Variants in BMPR1A observed in about 807,000 individuals in gnomAD.
BMPR1A encodes bone morphogenetic protein receptor type 1A.
In BMPR1A, 7 loss-of-function variants were observed where a neutral mutation model predicts 66.0. The ratio of observed to expected loss-of-function variants is 0.11; its 90% confidence interval spans 0.06 to 0.20. The LOEUF (loss-of-function observed/expected upper bound fraction) is 0.20, where lower values mean the gene tolerates loss of function less well. Among genes scored for constraint, BMPR1A ranks in the 10% least tolerant of loss-of-function variants. The pLI is 1.00. For missense variants in BMPR1A, 408 were observed against 669.1 expected, an observed-to-expected ratio of 0.61 and a Z score of 4.31; for synonymous variants, 200 against 229.7, an observed-to-expected ratio of 0.87 and a Z score of 1.17.
rs150991310 is a variant in BMPR1A at position 86,824,105 on chromosome 10, G to GTGTGTGTGTGTGTGTGTGTT, written c.-267-14753_-267-14752insGTGTGTGTGTGTTTGTGTGT. ...GTTGTGTGTGTGTGTGTGTGTGTGT[G>GTGTGTGTGTGTGTGTGTGTT]TGTGTGTTTCTTTCAGTCTCACTTG... On this transcript the variant is annotated intron_variant, in intron 1 of 12. Coordinates refer to ENST00000372037, the MANE Select transcript of BMPR1A (RefSeq NM_004329.3). Among the ~76,000 whole-genome samples, 521 of 147,370 alleles carry GTGTGTGTGTGTGTGTGTGTT rather than the reference G, an allele frequency of 3.5e-3. 5 individuals are homozygous for GTGTGTGTGTGTGTGTGTGTT. Among genetic ancestry groups the GTGTGTGTGTGTGTGTGTGTT allele is most frequent in the South Asian group, 0.017 (78 of 4,554 alleles).
chr10:86,893,075 C>G (rs1843175537), intron 5 of BMPR1A, among the ~76,000 whole-genome samples: 1 of 151,816 alleles, frequency 6.6e-6, no homozygotes, highest in Non-Finnish European at 1.5e-5. Context: ...TTTAAATCAT[C>G]CTAGGTTGTC....
intron 7 of BMPR1A, among the ~76,000 whole-genome samples, chr10:86,907,468 A>G (rs577622051): frequency 2.6e-5 from 4 of 152,338 alleles, no homozygotes. Flanking sequence ...TGATCTTGCA[A>G]TCCCACTATT....
At chr10:86,764,204 T>A (rs905135108) in intron 1 of BMPR1A, among the ~76,000 whole-genome samples, 3 of 152,132 alleles carry the variant, frequency 2.0e-5, no homozygotes, top group African/African-American at 7.3e-5. Context: ...TTGAGTGTTT[T>A]AAATTTGTAT....
At position 86,866,399 on chromosome 10, in the gene BMPR1A, C is replaced by CTTTTTTTTTTTTTT. The variant is rs1048293127; in HGVS notation, c.-152-9454_-152-9441dup. On this transcript the variant is annotated intron_variant, in intron 2 of 12. Coordinates refer to ENST00000372037, the MANE Select transcript of BMPR1A (RefSeq NM_004329.3). The stretch of plus-strand genomic sequence containing the variant: ...TGTGTTAAGTTGGGCAAGTTTCTTT[C>CTTTTTTTTTTTTTT]TTTTTTTTTTTTTTTTTTTTTTTTT... 2.7e-4 allele frequency among the ~76,000 whole-genome samples: 19 copies of CTTTTTTTTTTTTTT among 69,468 alleles called. 1 individual carries two copies. The highest frequency in any genetic ancestry group is 6.5e-4 in the East Asian group (1 of 1,550). The allele number at this position is 69,468 out of a possible 152,430, so 45.6% of individuals were successfully genotyped here. A position where few individuals can be genotyped will look rare whatever the true frequency, so the allele number is the denominator to read the frequency against.
chr10:86,820,391 A>G (rs1415833027), intron 1 of BMPR1A, among the ~76,000 whole-genome samples: 1 of 143,374 alleles, frequency 7.0e-6, no homozygotes, highest in African/African-American at 2.6e-5. Context: ...TTTTTTTCTT[A>G]GAGAAGCTAG....
chr10:86,860,664 G>C (rs977643237), intron 2 of BMPR1A, among the ~76,000 whole-genome samples: 1 of 151,436 alleles, frequency 6.6e-6, no homozygotes, highest in Non-Finnish European at 1.5e-5. Context: ...CAGCTACTCG[G>C]GAGGCTGAGG....
intron 5 of BMPR1A, among the ~76,000 whole-genome samples, chr10:86,893,939 A>T (rs190732129): frequency 7.2e-5 from 11 of 152,304 alleles, no homozygotes; most frequent in African/African-American, 2.6e-4. Flanking sequence ...AACAAACCTA[A>T]TCTCTCTTTA....
intron 2 of BMPR1A, among the ~76,000 whole-genome samples, chr10:86,867,694 TTATC>T (rs1387530609): frequency 1.3e-5 from 2 of 152,202 alleles, no homozygotes; most frequent in African/African-American, 4.8e-5. Context: ...TGAAAACAGA[TTATC>T]TATTTGAAAA....
intron 9 of BMPR1A, among the ~76,000 whole-genome samples, chr10:86,917,812 C>T (rs1237866921): frequency 2.0e-5 from 3 of 152,216 alleles, no homozygotes; most frequent in Non-Finnish European, 4.4e-5. Context: ...GTTTTCTTTT[C>T]CCTTCACCTC....
chr10:86,839,281 C>T (rs188441666), intron 2 of BMPR1A, among the ~76,000 whole-genome samples: 69 of 152,232 alleles, frequency 4.5e-4, no homozygotes, highest in Non-Finnish European at 8.8e-4. Context: ...TTTATTTCTT[C>T]CCCCTAAGTT....
intron 8 of BMPR1A, among the ~76,000 whole-genome samples, 173 bp downstream of exon 8, chr10:86,912,557 T>G (rs2133547701): frequency 6.6e-6 from 1 of 152,228 alleles, no homozygotes; most frequent in South Asian, 2.1e-4. Context: ...AAATAAGAAA[T>G]ATGAACCAAG....
intron 2 of BMPR1A, among the ~76,000 whole-genome samples, chr10:86,839,672 C>T (rs1465302010): frequency 6.8e-6 from 1 of 146,722 alleles, no homozygotes; most frequent in African/African-American, 2.5e-5. Flanking sequence ...TTTTAGAATT[C>T]AGAATTTTTT....
chr10:86,760,028 G>A (rs1274979148), intron 1 of BMPR1A, among the ~76,000 whole-genome samples: 13 of 117,476 alleles, frequency 1.1e-4, no homozygotes, highest in African/African-American at 4.4e-4. Flanking sequence ...CTGGACTAAT[G>A]TTATGATTTT....
chr10:86,834,884 C>T (rs1294051015), intron 1 of BMPR1A, among the ~76,000 whole-genome samples: 2 of 150,652 alleles, frequency 1.3e-5, no homozygotes, highest in Middle Eastern at 3.2e-3. Context: ...TTTTAATGGT[C>T]CTATGAATGC....
intron 9 of BMPR1A, 43 bp from the exon 10 acceptor site, chr10:86,919,129 A>C (rs748882022): frequency 1.2e-6 from 2 of 1,607,650 alleles, no homozygotes; most frequent in Admixed American, 1.7e-5. Flanking sequence ...TCCCTAGCCT[A>C]TCTCTGATGA....
intron 7 of BMPR1A, among the ~76,000 whole-genome samples, chr10:86,908,156 A>T (rs1843423654): frequency 6.6e-6 from 1 of 152,092 alleles, no homozygotes; most frequent in African/African-American, 2.4e-5. Context: ...GTGAGCCAAG[A>T]TCATGCCACT....
At chr10:86,801,172 T>TTCTG (rs1444128262) in intron 1 of BMPR1A, among the ~76,000 whole-genome samples, 1 of 152,342 alleles carries the variant, frequency 6.6e-6, no homozygotes, top group South Asian at 2.1e-4. Flanking sequence ...CAGGGTCTCA[T>TTCTG]TCTGTCACCC....
At chr10:86,852,327 A>G (rs1842581486) in intron 2 of BMPR1A, among the ~76,000 whole-genome samples, 1 of 152,174 alleles carries the variant, frequency 6.6e-6, no homozygotes, top group Admixed American at 6.5e-5. Flanking sequence ...AATATAAAAT[A>G]ATCAATTTAG....
chr10:86,901,588 A>G (rs1843310767), intron 7 of BMPR1A, among the ~76,000 whole-genome samples: 1 of 152,144 alleles, frequency 6.6e-6, no homozygotes, highest in African/African-American at 2.4e-5. Flanking sequence ...ATGAATTCCA[A>G]CAGTGTTTAC....
Sources: gnomAD v4.1 joint callset for allele counts (sites outside exome capture counted in the v4.1 genomes callset) on GRCh38, gnomAD v4.1.1 for gene constraint, MANE v1.5 for transcripts, NCBI Gene and HGNC (gene_info 2026-07-23, HGNC 2026-07-21) for gene names.